The following ABCA1 variants were observed in gnomAD, a reference collection of about 807,000 sequenced individuals.
ABCA1 encodes the protein ATP binding cassette subfamily A member 1.
Under a neutral mutation model 262.5 loss-of-function variants are expected in ABCA1, and 133 were observed. The observed-to-expected ratio is 0.51, with a 90% CI of 0.44 to 0.59. The LOEUF (loss-of-function observed/expected upper bound fraction) is 0.59, where lower values mean the gene tolerates loss of function less well. Ranked by LOEUF, ABCA1 falls within the 20% of genes least tolerant of loss-of-function variation. The probability of loss-of-function intolerance (pLI) is 0.00; values close to 1 mark genes in which losing one functional copy is unlikely to be tolerated. For synonymous variants in ABCA1, 1,022 were observed against 1,043.5 expected (o/e 0.98, Z 0.40); for missense variants, 2,452 against 2,777.5 (o/e 0.88, Z 2.63).
At chr9:104,850,784 T>C (rs1835311291) in intron 7 of ABCA1, among the ~76,000 whole-genome samples, 1 of 152,234 alleles carries the variant, frequency 6.6e-6, no homozygotes, top group Non-Finnish European at 1.5e-5. Flanking sequence ...CAGCTTGGAA[T>C]TCCTACTATT....
At chr9:104,914,092 C>T (rs946490639) in intron 1 of ABCA1, among the ~76,000 whole-genome samples, 1 of 151,968 alleles carries the variant, frequency 6.6e-6, no homozygotes, top group Non-Finnish European at 1.5e-5. Context: ...AGCCACCGCA[C>T]CCGGCCCCCT....
Position 104,798,232 on chromosome 9 carries a change from T to C in ABCA1, c.5121+189A>G, listed in dbSNP as rs113456348. Among the ~76,000 whole-genome samples, 796 of 152,348 alleles carry C rather than the reference T, an allele frequency of 5.2e-3. 11 individuals carry two copies. Among genetic ancestry groups the C allele is most frequent in the African/African-American group, 0.018 (757 of 41,582 alleles). ...ACAGAATTTTCCCTCTGGTGTGACA[T>C]GAACTCTGGTACCCAATGCTGTGTT... On this transcript the variant is annotated intron_variant, in intron 37 of 49. Transcript: ENST00000374736.
chr9:104,782,313 T>G lies in ABCA1; in HGVS notation c.*2002A>C, dbSNP rs1041411944. On this transcript the variant is annotated 3_prime_UTR_variant, in exon 50 of 50. Coordinates refer to ENST00000374736, the MANE Select transcript of ABCA1 (RefSeq NM_005502.4). Reference sequence around the variant, plus strand: ...ACTTTAACTTCTAAAACAATCATTTTTTTCTTTTTCAGCAGTGGGTTATAT... The same window carrying G: ...ACTTTAACTTCTAAAACAATCATTTGTTTCTTTTTCAGCAGTGGGTTATAT... The G allele has an allele frequency of 2.6e-5, 4 of 152,140 alleles. No individual in the cohort carries two copies. The highest frequency in any genetic ancestry group is 5.9e-5 in the Non-Finnish European group (4 of 67,968). The allele number at this position is 152,140 out of a possible 1,614,324, so 9.4% of individuals were successfully genotyped here.
At chr9:104,861,147 A>T (rs562185006) in intron 6 of ABCA1, among the ~76,000 whole-genome samples, 17 of 152,294 alleles carry the variant, frequency 1.1e-4, no homozygotes, top group Admixed American at 2.0e-4. Flanking sequence ...AATTGGAGAG[A>T]TTTAAAGCCT....
In ABCA1 at chr9:104,822,679, G is replaced by A. The variant is rs1832467294; in HGVS notation, c.2657-12C>T. 1.2e-6 allele frequency: 2 copies of A among 1,613,908 alleles called. No homozygotes were observed. Among genetic ancestry groups the A allele is most frequent in the Non-Finnish European group, 1.7e-6 (2 of 1,180,000 alleles). On this transcript the variant is annotated splice_polypyrimidine_tract_variant and intron_variant, in intron 18 of 49. Coordinates refer to ENST00000374736, the MANE Select transcript of ABCA1 (RefSeq NM_005502.4). ...CTCCTCCATGCAGACTGTGACAGGA[G>A]AGAAGACAGAAATGAACCCACAGAA...
intron 1 of ABCA1, among the ~76,000 whole-genome samples, chr9:104,908,677 A>G (rs1841318424): frequency 6.6e-6 from 1 of 152,202 alleles, no homozygotes; most frequent in Admixed American, 6.5e-5. Flanking sequence ...AAATATATAA[A>G]TAAAACTGGG....
intron 2 of ABCA1, among the ~76,000 whole-genome samples, chr9:104,894,417 G>A (rs1046715666): frequency 6.6e-6 from 1 of 152,180 alleles, no homozygotes; most frequent in African/African-American, 2.4e-5. Context: ...AGTGTAAGCA[G>A]ATCAGGAAAA....
chr9:104,818,994 TG>T, intron 22 of ABCA1, 111 bp from the exon 23 acceptor site: 3 of 1,050,664 alleles, frequency 2.9e-6, no homozygotes, highest in Non-Finnish European at 4.3e-6. Context: ...GGAAGAGACC[TG>T]GAAGCCACCT....
At chr9:104,888,733 A>C (rs897570308) in intron 3 of ABCA1, among the ~76,000 whole-genome samples, 2 of 152,272 alleles carry the variant, frequency 1.3e-5, no homozygotes, top group Non-Finnish European at 2.9e-5. Context: ...TCTGTGTTCC[A>C]TGATTTGCAA....
intron 15 of ABCA1, 63 bp downstream of exon 15, chr9:104,828,853 C>G (rs1833016478): frequency 6.5e-7 from 1 of 1,541,508 alleles, no homozygotes; most frequent in Admixed American, 1.8e-5. Context: ...CTTCTCCTCC[C>G]TTAGCCCGTG....
At chr9:104,924,800 T>C (rs757624574) in intron 1 of ABCA1, among the ~76,000 whole-genome samples, 9 of 152,214 alleles carry the variant, frequency 5.9e-5, no homozygotes, top group Middle Eastern at 3.4e-3. Flanking sequence ...CCACTACATA[T>C]ATAGCTTAAG....
At chr9:104,825,473 CT>C (rs1588313975) in intron 17 of ABCA1, 1 of 632,382 alleles carries the variant, frequency 1.6e-6, no homozygotes, top group East Asian at 2.8e-5. Context: ...TGCATGCTGC[CT>C]GGCACACAGT....
intron 14 of ABCA1, among the ~76,000 whole-genome samples, chr9:104,829,943 TACAC>T (rs59055896): frequency 0.13 from 18,544 of 140,710 alleles, 1,262 homozygotes; most frequent in Non-Finnish European, 0.16. Flanking sequence ...TCCTGATCCC[TACAC>T]ACACACACAC....
intron 36 of ABCA1, 59 bp from the exon 37 acceptor site, chr9:104,798,657 AGT>A: frequency 6.8e-7 from 1 of 1,480,290 alleles, no homozygotes; most frequent in Non-Finnish European, 9.3e-7. Flanking sequence ...GGGCTCAATC[AGT>A]GAGGACATGG....
intron 18 of ABCA1, among the ~76,000 whole-genome samples, chr9:104,824,093 C>T (rs1218659439): frequency 6.6e-6 from 1 of 152,214 alleles, no homozygotes; most frequent in Non-Finnish European, 1.5e-5. Flanking sequence ...GGCTGATACA[C>T]AGGTCACCAT....
Position 104,784,079 on chromosome 9 carries a change from A to G in ABCA1, c.*236T>C, listed in dbSNP as rs147610260. 6.3e-4 allele frequency: 332 copies of G among 530,452 alleles called. 2 individuals are homozygous for G. Among genetic ancestry groups the G allele is most frequent in the African/African-American group, 5.7e-3 (297 of 52,534 alleles). 32.9% of individuals were successfully genotyped at this position (530,452 alleles called of 1,614,324 possible). A position where few individuals can be genotyped will look rare whatever the true frequency, so the allele number is the denominator to read the frequency against. On this transcript the variant is annotated 3_prime_UTR_variant, in exon 50 of 50. Transcript: ENST00000374736. ...TTCACATAGGTATAGGTAAAAAACT[A>G]AATTCAAGTCTTTCACTTGAGAGCC...
At chr9:104,872,726 A>G (rs1413943047) in intron 5 of ABCA1, among the ~76,000 whole-genome samples, 1 of 152,212 alleles carries the variant, frequency 6.6e-6, no homozygotes, top group Non-Finnish European at 1.5e-5. Context: ...AGAAATGGGA[A>G]AGCTTTCAAT....
intron 8 of ABCA1, among the ~76,000 whole-genome samples, chr9:104,844,077 C>CTGT (rs1200431259): frequency 3.3e-5 from 5 of 150,746 alleles, no homozygotes; most frequent in Admixed American, 6.6e-5. Context: ...CAGCTGTAAC[C>CTGT]AAACCCTGAG....
intron 7 of ABCA1, chr9:104,855,026 G>C (rs1219242155): frequency 4.6e-6 from 2 of 436,770 alleles, no homozygotes; most frequent in African/African-American, 4.4e-5. Context: ...ACAGCGTTCT[G>C]ACATCCAGTA....
Sources: allele counts gnomAD v4.1 joint callset (sites outside exome capture counted in the v4.1 genomes callset), GRCh38; gene constraint gnomAD v4.1.1; transcripts MANE v1.5; gene names NCBI Gene and HGNC (gene_info 2026-07-23, HGNC 2026-07-21).